NTM: variants seen among roughly 807,000 people sequenced by gnomAD.
NTM encodes the protein neurotrimin, also known as IgLON family member 2.
Under a neutral mutation model 42.1 loss-of-function variants are expected in NTM, and 13 were observed. That is an observed-to-expected ratio of 0.31 (90% CI 0.20 to 0.49). The LOEUF (loss-of-function observed/expected upper bound fraction) is 0.49, where lower values mean the gene tolerates loss of function less well. Among genes scored for constraint, NTM ranks in the 20% least tolerant of loss-of-function variants. The probability of loss-of-function intolerance (pLI) is 0.99; values close to 1 mark genes in which losing one functional copy is unlikely to be tolerated. For synonymous variants in NTM, 187 were observed against 179.2 expected (o/e 1.04, Z -0.35); for missense variants, 373 against 452.8 (o/e 0.82, Z 1.60).
intron 1 of NTM, among the ~76,000 whole-genome samples, chr11:131,797,046 A>G (rs1285548147): frequency 2.0e-5 from 3 of 152,248 alleles, no homozygotes; most frequent in African/African-American, 7.2e-5. Flanking sequence ...AATACTTAGA[A>G]GGCTCTAATA....
intron 1 of NTM, chr11:131,660,187 CGG>C: frequency 3.9e-6 from 1 of 255,234 alleles, no homozygotes; most frequent in Non-Finnish European, 8.2e-6. Context: ...CCGTAGGACT[CGG>C]GTGGGCCAGT....
chr11:131,693,870 G>A lies in NTM; in HGVS notation c.83-217694G>A, dbSNP rs141877730. ...CGAGAGAGGAGAAGCTGCTTTTACA[G>A]CCTGGGTCTGCAGGTGGAAGCACAT... is the stretch of plus-strand genomic sequence containing the variant. On this transcript the variant is annotated intron_variant, in intron 1 of 8. Coordinates refer to ENST00000683400, the MANE Select transcript of NTM (RefSeq NM_001352005.2). 3.1e-3 allele frequency among the ~76,000 whole-genome samples: 467 copies of A among 152,328 alleles called. 2 individuals are homozygous for A. The highest frequency in any genetic ancestry group is 0.011 in the African/African-American group (441 of 41,584).
chr11:132,061,600 A>G (rs576337695), intron 2 of NTM, among the ~76,000 whole-genome samples: 1 of 152,324 alleles, frequency 6.6e-6, no homozygotes, highest in Admixed American at 6.5e-5. Context: ...ATGGTGATCT[A>G]ATAGCATCTG....
At chr11:131,681,689 G>T (rs1210161024) in intron 1 of NTM, among the ~76,000 whole-genome samples, 1 of 73,114 alleles carries the variant, frequency 1.4e-5, no homozygotes, top group African/African-American at 3.4e-5. Flanking sequence ...GAGCGTGTGT[G>T]TTTCTGTGTC....
At chr11:131,932,425 T>G (rs1316028180) in intron 2 of NTM, among the ~76,000 whole-genome samples, 2 of 152,182 alleles carry the variant, frequency 1.3e-5, no homozygotes, top group African/African-American at 4.8e-5. Context: ...AAGACCACAG[T>G]TTATTGCAAT....
intron 1 of NTM, among the ~76,000 whole-genome samples, chr11:131,861,136 T>C (rs2046590169): frequency 6.6e-6 from 1 of 152,070 alleles, no homozygotes; most frequent in Non-Finnish European, 1.5e-5. Context: ...AGAAAAAATA[T>C]CCCTGTCAGC....
intron 2 of NTM, among the ~76,000 whole-genome samples, chr11:132,097,831 G>T (rs184959047): frequency 6.6e-6 from 1 of 152,196 alleles, no homozygotes; most frequent in Non-Finnish European, 1.5e-5. Flanking sequence ...GAGGGAAAAG[G>T]GTTCCGGCAT....
chr11:131,882,487 G>A (rs1555165689), intron 1 of NTM, among the ~76,000 whole-genome samples: 1 of 152,196 alleles, frequency 6.6e-6, no homozygotes, highest in Non-Finnish European at 1.5e-5. Flanking sequence ...ATGACATCTG[G>A]AATAATATTT....
intron 1 of NTM, among the ~76,000 whole-genome samples, chr11:131,764,149 A>G (rs1489942587): frequency 1.3e-5 from 2 of 152,142 alleles, no homozygotes; most frequent in Non-Finnish European, 2.9e-5. Flanking sequence ...AAGCGGCAAC[A>G]TTACCACTTG....
At chr11:131,568,929 G>T (rs56050132) in intron 1 of NTM, among the ~76,000 whole-genome samples, 7,237 of 152,108 alleles carry the variant, frequency 0.048, 545 homozygotes, top group African/African-American at 0.16. Context: ...TACAATTCCA[G>T]AACATATCAT....
intron 2 of NTM, among the ~76,000 whole-genome samples, chr11:131,964,140 C>T (rs748700980): frequency 3.3e-5 from 5 of 152,084 alleles, no homozygotes; most frequent in Non-Finnish European, 7.4e-5. Context: ...AAGAACAGTC[C>T]AGAAGGGTGA....
At chr11:132,293,327 C>T (rs1221179253) in intron 4 of NTM, among the ~76,000 whole-genome samples, 4 of 152,140 alleles carry the variant, frequency 2.6e-5, no homozygotes, top group East Asian at 3.9e-4. Context: ...AAAATATGTG[C>T]GGTATTTAAA....
At chr11:132,041,536 T>C (rs1162886574) in intron 2 of NTM, among the ~76,000 whole-genome samples, 1 of 152,240 alleles carries the variant, frequency 6.6e-6, no homozygotes, top group African/African-American at 2.4e-5. Context: ...ATGTGCTGAC[T>C]TGTGGGATTA....
At chr11:131,412,909 C>G (rs994943988) in intron 1 of NTM, among the ~76,000 whole-genome samples, 14 of 152,068 alleles carry the variant, frequency 9.2e-5, no homozygotes, top group African/African-American at 3.4e-4. Flanking sequence ...CTAGGAGAAC[C>G]TTTTGTCATC....
At chr11:132,032,431 T>C (rs1461014494) in intron 2 of NTM, among the ~76,000 whole-genome samples, 1 of 152,226 alleles carries the variant, frequency 6.6e-6, no homozygotes, top group Non-Finnish European at 1.5e-5. Context: ...TCTCTGACCC[T>C]GGCCCCTCCC....
chr11:131,428,880 CAAAAAAAA>C (rs35312475), intron 1 of NTM, among the ~76,000 whole-genome samples: 9 of 84,010 alleles, frequency 1.1e-4, no homozygotes, highest in South Asian at 4.6e-4. Flanking sequence ...ACTAAAAATA[CAAAAAAAA>C]AAAAAAAAAA....
In NTM at chr11:131,549,160, CTG is replaced by C. The variant is rs557947637; in HGVS notation, c.82+178274_82+178275del. ...TTTAGAGGCCGGCTGGGGAAGAAAGCTGTATCTTTTTCTGGAATATCCTCAGA... is the reference window on the plus strand; with the variant it reads ...TTTAGAGGCCGGCTGGGGAAGAAAGCTATCTTTTTCTGGAATATCCTCAGA... On this transcript the variant is annotated intron_variant, in intron 1 of 8. Coordinates refer to ENST00000683400, the MANE Select transcript of NTM (RefSeq NM_001352005.2). 2.0e-4 allele frequency among the ~76,000 whole-genome samples: 30 copies of C among 152,222 alleles called. No homozygotes were observed. In the East Asian group the frequency reaches 3.5e-3, roughly 18 times the overall value.
intron 2 of NTM, among the ~76,000 whole-genome samples, chr11:132,072,903 G>A (rs2057887543): frequency 6.6e-6 from 1 of 152,092 alleles, no homozygotes; most frequent in Admixed American, 6.6e-5. Context: ...TTTCTCCTGG[G>A]AACTCTTCTG....
chr11:131,492,818 A>G (rs1954936916), intron 1 of NTM, among the ~76,000 whole-genome samples: 1 of 152,232 alleles, frequency 6.6e-6, no homozygotes, highest in Admixed American at 6.5e-5. Context: ...GCAGATCTGT[A>G]CTAGATTCTG....
Sources: allele counts gnomAD v4.1 joint callset (sites outside exome capture counted in the v4.1 genomes callset), GRCh38; gene constraint gnomAD v4.1.1; transcripts MANE v1.5; gene names NCBI Gene and HGNC (gene_info 2026-07-23, HGNC 2026-07-21).